PIGF: variants seen among roughly 807,000 people sequenced by gnomAD.
PIGF encodes the protein GPI ethanolamine phosphate transferase, stabilizing subunit.
In PIGF, 23 loss-of-function variants were observed where a neutral mutation model predicts 26.0. The observed-to-expected ratio is 0.88, with a 90% confidence interval of 0.64 to 1.25. PIGF has a LOEUF of 1.25. PIGF is among the 50% of genes most tolerant of loss of function. PIGF has a pLI of 0.00. For missense variants in PIGF, 278 were observed against 249.9 expected, an observed-to-expected ratio of 1.11 and a Z score of -0.76; for synonymous variants, 93 against 92.6, an observed-to-expected ratio of 1.00 and a Z score of -0.03.
At chr2:46,613,061 A>C (rs961783670) in intron 3 of PIGF, among the ~76,000 whole-genome samples, 4 of 136,038 alleles carry the variant, frequency 2.9e-5, no homozygotes, top group Non-Finnish European at 6.7e-5. Flanking sequence ...TATATATATA[A>C]AATGGTATAC....
rs577117560 is a variant in PIGF at position 46,588,084 on chromosome 2, C to T, written c.546+4391G>A. ...TGGGAGTAAAACCTACCTTGCACTA[C>T]GGTTGTCAGGATTAAGTTACTCATT... On this transcript the variant is annotated intron_variant, in intron 5 of 5. Coordinates refer to ENST00000281382, the MANE Select transcript of PIGF (RefSeq NM_002643.4). The surrounding 1 kb of genome is among the most constrained non-coding windows in gnomAD (Gnocchi z 4.1). The T allele has an allele frequency of 7.4e-5, 118 of 1,587,036 alleles. No individual in the cohort carries two copies. The highest frequency in any genetic ancestry group is 2.0e-4 in the South Asian group (18 of 88,032).
At chr2:46,610,273 A>C (rs1484196861) in intron 4 of PIGF, among the ~76,000 whole-genome samples, 1 of 152,234 alleles carries the variant, frequency 6.6e-6, no homozygotes, top group Non-Finnish European at 1.5e-5. Context: ...GTAAAATCAC[A>C]TGACAGTATT....
At chr2:46,612,657 A>C (rs896658283) in intron 3 of PIGF, among the ~76,000 whole-genome samples, 6 of 137,372 alleles carry the variant, frequency 4.4e-5, no homozygotes, top group African/African-American at 1.5e-4. Flanking sequence ...TTTCTGCTCA[A>C]TAGTCTCTCT....
rs568772719 is a variant in PIGF, at chr2:46,610,036, G to A, written c.437+2192C>T. ...ATATCTGAGAAGTACAATAAAGTGA[G>A]GAACAATAAAATGAGGTATGCCTGT... On this transcript the variant is annotated intron_variant, in intron 4 of 5. Coordinates refer to ENST00000281382, the MANE Select transcript of PIGF (RefSeq NM_002643.4). Among the ~76,000 whole-genome samples the A allele has an allele frequency of 2.0e-5, 3 of 152,274 alleles. No individual in the cohort carries two copies. In the South Asian group the frequency reaches 6.2e-4, roughly 32 times the overall value.
chr2:46,587,947 T>C (rs1278620490), intron 5 of PIGF: 4 of 636,128 alleles, frequency 6.3e-6, no homozygotes, highest in Non-Finnish European at 9.3e-6. Flanking sequence ...AAAAGAATCA[T>C]GGTGTAGTGG....
Position 46,581,123 on chromosome 2 carries a change from C to T in PIGF, c.*355G>A, listed in dbSNP as rs765355378. The T allele has an allele frequency of 7.0e-7, 1 of 1,427,632 alleles. No individual in the cohort carries two copies. The highest frequency in any genetic ancestry group is 9.4e-7 in the Non-Finnish European group (1 of 1,064,662). 88.4% of individuals were successfully genotyped at this position (1,427,632 alleles called of 1,614,324 possible). On this transcript the variant is annotated 3_prime_UTR_variant, in exon 6 of 6. Coordinates refer to ENST00000281382, the MANE Select transcript of PIGF (RefSeq NM_002643.4). ...GGCCAAGGAAACTGTCCATTTCTCT[C>T]AGAAAGCAAATGAAATGCTACAGCT...
intron 4 of PIGF, among the ~76,000 whole-genome samples, chr2:46,595,693 A>T (rs560776026): frequency 1.7e-4 from 26 of 152,322 alleles, no homozygotes; most frequent in African/African-American, 6.3e-4. Flanking sequence ...CTCTTCCAAA[A>T]TGGCTGAACC....
intron 1 of PIGF, chr2:46,615,605 T>C (rs903354363): frequency 6.3e-6 from 1 of 159,640 alleles, no homozygotes; most frequent in South Asian, 1.7e-4. Context: ...GCATAGGTTA[T>C]AATTCCAACA....
At chr2:46,586,126 A>G (rs1302648973) in intron 5 of PIGF, among the ~76,000 whole-genome samples, 1 of 152,184 alleles carries the variant, frequency 6.6e-6, no homozygotes, top group African/African-American at 2.4e-5. Flanking sequence ...TGTCTGTTAC[A>G]AGAGCAAATT....
intron 2 of PIGF, 70 bp from the exon 3 acceptor site, chr2:46,613,855 C>T: frequency 7.7e-7 from 1 of 1,297,186 alleles, no homozygotes; most frequent in African/African-American, 1.5e-5. Context: ...TCCATTTCAT[C>T]TACAAACACA....
At chr2:46,592,646 A>C (rs1170066676) in intron 4 of PIGF, 63 bp from the exon 5 acceptor site, 5 of 791,036 alleles carry the variant, frequency 6.3e-6, no homozygotes, top group Non-Finnish European at 1.2e-5. Flanking sequence ...GAATCCAACA[A>C]GCACTAGCAC....
At position 46,592,577 on chromosome 2, in the gene PIGF, T is replaced by C; in HGVS notation, c.444A>G (p.Thr148=). ...WLRVFSRNGV[T]SIWENSLQIT... ...TCTGGAGACTATTCTCCCATATGGA[T>C]GTAACTCTGTGAAACACAAATTGGT... The change falls in exon 5 of 6, where the codon ACA becomes ACG. Residue 148 remains threonine (T), a synonymous_variant. Transcript: ENST00000281382. The C allele has an allele frequency of 6.4e-7, 1 of 1,558,022 alleles. No individual in the cohort carries two copies. The highest frequency in any genetic ancestry group is 8.9e-7 in the Non-Finnish European group (1 of 1,128,762).
chr2:46,581,452 C>T lies in PIGF; in HGVS notation c.*26G>A, dbSNP rs781594998. On this transcript the variant is annotated 3_prime_UTR_variant, in exon 6 of 6. Coordinates refer to ENST00000281382, the MANE Select transcript of PIGF (RefSeq NM_002643.4). ...CTGCCCAGCCCTTACAGAATCTGCACAAAGAAATATCTCCCTTTGCTCCAG... is the reference window on the plus strand; with the variant it reads ...CTGCCCAGCCCTTACAGAATCTGCATAAAGAAATATCTCCCTTTGCTCCAG... The T allele has an allele frequency of 2.5e-6, 4 of 1,604,588 alleles. No homozygotes were observed. Among genetic ancestry groups the T allele is most frequent in the South Asian group, 2.2e-5 (2 of 90,044 alleles).
intron 5 of PIGF, among the ~76,000 whole-genome samples, chr2:46,584,263 T>A (rs1219056561): frequency 1.3e-5 from 2 of 152,170 alleles, no homozygotes; most frequent in Non-Finnish European, 2.9e-5. Flanking sequence ...CTTAGTAGTT[T>A]TTATTTATTA....
At chr2:46,605,609 T>C (rs1412871589) in intron 4 of PIGF, among the ~76,000 whole-genome samples, 1 of 152,170 alleles carries the variant, frequency 6.6e-6, no homozygotes, top group Non-Finnish European at 1.5e-5. Flanking sequence ...CTAATCATAT[T>C]ACATATGTGA....
At chr2:46,601,848 A>C (rs1300712784) in intron 4 of PIGF, among the ~76,000 whole-genome samples, 2 of 151,908 alleles carry the variant, frequency 1.3e-5, no homozygotes, top group Non-Finnish European at 2.9e-5. Context: ...CTAGATCACT[A>C]CTCTTGGCAA....
At position 46,616,977 on chromosome 2, in the gene PIGF, T is replaced by A; in HGVS notation, c.-29A>T. ...GCGTCCAGCGGGGCTTACCTAACTC[T>A]CCCTCCCGCGGAAGGGAAGCGGGGA... On this transcript the variant is annotated 5_prime_UTR_variant, in exon 1 of 6. Coordinates refer to ENST00000281382, the MANE Select transcript of PIGF (RefSeq NM_002643.4). 1.9e-6 allele frequency: 1 copy of A among 534,802 alleles called. No homozygotes were observed. The highest frequency in any genetic ancestry group is 3.3e-6 in the Non-Finnish European group (1 of 299,190). The allele number at this position is 534,802 out of a possible 1,614,324, so 33.1% of individuals were successfully genotyped here.
chr2:46,582,166 A>G (rs1669410590), intron 5 of PIGF: 1 of 152,304 alleles, frequency 6.6e-6, no homozygotes, highest in Non-Finnish European at 1.5e-5. Context: ...AAGTTAAACA[A>G]AATACCGGCT....
intron 5 of PIGF, among the ~76,000 whole-genome samples, chr2:46,585,295 TAGTG>T (rs779944807): frequency 7.2e-5 from 11 of 151,790 alleles, no homozygotes; most frequent in South Asian, 4.1e-4. Flanking sequence ...CTGGGCAAGA[TAGTG>T]AGAGTTTTTT....
Sources: allele counts gnomAD v4.1 joint callset (sites outside exome capture counted in the v4.1 genomes callset), GRCh38; gene constraint gnomAD v4.1.1; non-coding constraint Gnocchi (gnomAD v3.1); transcripts MANE v1.5; gene names NCBI Gene and HGNC (gene_info 2026-07-23, HGNC 2026-07-21).